The following KAT6A variants were observed in gnomAD, a reference collection of about 807,000 sequenced individuals.
The protein encoded by KAT6A is histone acetyltransferase KAT6A.
Under a neutral mutation model 198.4 loss-of-function variants are expected in KAT6A, and 9 were observed. The observed-to-expected ratio is 0.05, with a 90% confidence interval of 0.03 to 0.08. KAT6A has a LOEUF of 0.08. KAT6A is among the 10% of genes least tolerant of loss of function. KAT6A has a pLI of 1.00. For synonymous variants in KAT6A, 890 were observed against 883.0 expected (o/e 1.01, Z -0.14); for missense variants, 2,077 against 2,509.9 (o/e 0.83, Z 3.69).
chr8:42,009,925 C>CAAAAAAA (rs1438804898), intron 2 of KAT6A, among the ~76,000 whole-genome samples: 1 of 120,082 alleles, frequency 8.3e-6, no homozygotes, highest in African/African-American at 3.2e-5. Context: ...CAAAAAAAAA[C>CAAAAAAA]AAAACCACAA....
At chr8:42,009,716 T>A (rs1825919971) in intron 2 of KAT6A, among the ~76,000 whole-genome samples, 2 of 151,174 alleles carry the variant, frequency 1.3e-5, no homozygotes, top group Non-Finnish European at 1.5e-5. Flanking sequence ...CTGGGAAACA[T>A]ATGAAGACCT....
chr8:41,934,209 C>G lies in KAT6A; in HGVS notation c.4011G>C (p.Thr1337=), dbSNP rs755898071. Residue 1337 remains threonine (T), a synonymous_variant, in exon 17 of 17, where the codon ACG becomes ACC. Coordinates refer to ENST00000265713, the MANE Select transcript of KAT6A (RefSeq NM_006766.5). ...CAGGCTCCTCCTTGACATCTTCCCT[C>G]GTGGGCTGTTCCTCTAGCTCCTTTT... ...TKKKELEEQP[T]REDVKEEPGV... The G allele has an allele frequency of 4.3e-6, 7 of 1,614,048 alleles. No homozygotes were observed. The highest frequency in any genetic ancestry group is 1.3e-5 in the African/African-American group (1 of 74,930).
intron 8 of KAT6A, among the ~76,000 whole-genome samples, chr8:41,966,971 C>T (rs1823522864): frequency 6.6e-6 from 1 of 152,052 alleles, no homozygotes; most frequent in Non-Finnish European, 1.5e-5. Context: ...TGGGGTAACA[C>T]CTCTACATCA....
At chr8:42,030,139 C>A (rs1188909955) in intron 2 of KAT6A, among the ~76,000 whole-genome samples, 1 of 152,094 alleles carries the variant, frequency 6.6e-6, no homozygotes, top group Non-Finnish European at 1.5e-5. Context: ...AAAATGGCAC[C>A]CTGCTGCAGC....
Position 42,049,223 on chromosome 8 carries a change from C to T in KAT6A, c.-246G>A. 2.1e-6 allele frequency: 1 copy of T among 466,392 alleles called. No homozygotes were observed. The highest frequency in any genetic ancestry group is 3.2e-5 in the East Asian group (1 of 31,040). The allele number at this position is 466,392 out of a possible 1,614,324, so 28.9% of individuals were successfully genotyped here. A position where few individuals can be genotyped will look rare whatever the true frequency, so the allele number is the denominator to read the frequency against. On this transcript the variant is annotated 5_prime_UTR_variant, in exon 2 of 17. The change creates a new upstream start codon in the 5' untranslated region. Coordinates refer to ENST00000265713, the MANE Select transcript of KAT6A (RefSeq NM_006766.5). ...CAATGAATTTCTCAATAGCACCACA[C>T]ATGGGTCTCGTCATAAAGTTGTAAG...
At chr8:42,040,864 T>C (rs1401477352) in intron 2 of KAT6A, among the ~76,000 whole-genome samples, 1 of 151,818 alleles carries the variant, frequency 6.6e-6, no homozygotes, top group Non-Finnish European at 1.5e-5. Context: ...AGGTATGTCA[T>C]GCACTGAAAA....
chr8:41,978,374 G>A (rs1234768822), intron 6 of KAT6A, among the ~76,000 whole-genome samples: 1 of 152,188 alleles, frequency 6.6e-6, no homozygotes, highest in Non-Finnish European at 1.5e-5. Context: ...CATTTACTAT[G>A]CCTTAGTTTC....
rs1235441058 is a variant in KAT6A at position 41,987,517 on chromosome 8, T to G, written c.647A>C (p.Lys216Thr). 1 of 1,613,878 alleles carries G rather than the reference T, an allele frequency of 6.2e-7. No homozygotes were observed. The highest frequency in any genetic ancestry group is 1.3e-5 in the African/African-American group (1 of 75,048). The part of the protein sequence containing the change: ...IPICSFCLGT[K>T]EQNREKKPEE... ...TGGCTTCTTTTCTCGGTTTTGTTCTTTTGTACCAAGACAGAAACTACAGAT... is the reference window on the plus strand; with the variant it reads ...TGGCTTCTTTTCTCGGTTTTGTTCTGTTGTACCAAGACAGAAACTACAGAT... The change falls in exon 3 of 17, where the codon AAA becomes ACA. Residue 216 changes from lysine to threonine, a missense_variant. Lys to Thr is a moderately conservative substitution (Grantham distance 78). Coordinates refer to ENST00000265713, the MANE Select transcript of KAT6A (RefSeq NM_006766.5).
intron 2 of KAT6A, among the ~76,000 whole-genome samples, chr8:42,018,648 C>T (rs1051093273): frequency 3.3e-5 from 5 of 152,114 alleles, no homozygotes; most frequent in Non-Finnish European, 5.9e-5. Flanking sequence ...ACAGGCTGGG[C>T]GAGGTGGCTC....
At chr8:41,995,905 A>AC (rs758018743) in intron 2 of KAT6A, among the ~76,000 whole-genome samples, 37 of 151,890 alleles carry the variant, frequency 2.4e-4, no homozygotes, top group Admixed American at 6.6e-4. Context: ...CGAACTCTTA[A>AC]CCACAGGTGA....
rs575256565 is a variant in KAT6A at position 41,933,235 on chromosome 8, G to A, written c.4985C>T (p.Pro1662Leu). 140 of 1,548,088 alleles carry A rather than the reference G, an allele frequency of 9.0e-5. 4 individuals are homozygous for A. In the South Asian group the frequency reaches 1.1e-3, roughly 12 times the overall value. The change falls in exon 17 of 17, where the codon CCG becomes CTG. Residue 1662 changes from proline (P) to leucine (L), a missense_variant. This residue lies in a region of KAT6A where 500 missense variants were observed against 577.2 expected (regional missense o/e 0.87). Transcript: ENST00000265713. The surrounding 1 kb of genome is among the most constrained non-coding windows in gnomAD (Gnocchi z 6.2). ...TGGTGCTGGTTGTGGTTGTGGCGGC[G>A]GCGGCTGTGGCTGCTGTGGAGGCGG... ...PPPPPQQPQP[P>L]PPQPQPAPQP...
At chr8:41,989,934 T>C (rs1442185849) in intron 2 of KAT6A, among the ~76,000 whole-genome samples, 1 of 152,170 alleles carries the variant, frequency 6.6e-6, no homozygotes, top group African/African-American at 2.4e-5. Flanking sequence ...CTAGTTGTCT[T>C]AATAATTATG....
rs759230999 is a variant in KAT6A at position 41,935,314 on chromosome 8, A to C, written c.3353-447T>G. On this transcript the variant is annotated intron_variant, in intron 16 of 16. Transcript: ENST00000265713. ...TTTTTTTCTGCTTGTGATTTACTTT[A>C]TCTCTCGGATTTTCTTACTTTCCAC... is the stretch of plus-strand genomic sequence containing the variant. Among the ~76,000 whole-genome samples, 8 of 151,782 alleles carry C rather than the reference A, an allele frequency of 5.3e-5. No individual in the cohort carries two copies. In the South Asian group the frequency reaches 8.3e-4, roughly 16 times the overall value.
Position 41,937,356 on chromosome 8 carries a change from G to A in KAT6A, c.3252C>T (p.Tyr1084=), listed in dbSNP as rs774754093. 1.2e-6 allele frequency: 2 copies of A among 1,613,992 alleles called. No homozygotes were observed. The highest frequency in any genetic ancestry group is 1.7e-6 in the Non-Finnish European group (2 of 1,179,858). The change falls in exon 16 of 17, where the codon TAC becomes TAT. Residue 1084 remains tyrosine (Y), a synonymous_variant. Coordinates refer to ENST00000265713, the MANE Select transcript of KAT6A (RefSeq NM_006766.5). The stretch of plus-strand genomic sequence containing the variant: ...CATCCTGCGAAGACAAACGACGGAA[G>A]TATTCTCTAGGGAAAAGTTCATTTT... ...EDENELFPRE[Y]FRRLSSQDVL...
intron 2 of KAT6A, among the ~76,000 whole-genome samples, chr8:42,010,849 T>C (rs1329425490): frequency 2.0e-5 from 3 of 152,200 alleles, no homozygotes; most frequent in Non-Finnish European, 4.4e-5. Context: ...CTAAGCCTAC[T>C]GGCAAAGAAG....
intron 2 of KAT6A, among the ~76,000 whole-genome samples, chr8:42,022,058 A>G (rs1019410541): frequency 6.6e-6 from 1 of 152,228 alleles, no homozygotes; most frequent in Admixed American, 6.5e-5. Flanking sequence ...ACATTCTAAT[A>G]TACTACGGCA....
At chr8:41,938,180 A>G (rs1821941828) in intron 15 of KAT6A, among the ~76,000 whole-genome samples, 1 of 152,224 alleles carries the variant, frequency 6.6e-6, no homozygotes, top group Non-Finnish European at 1.5e-5. Context: ...ATATCACAAA[A>G]TAAGAGATGA....
At chr8:41,974,995 T>C (rs909669304) in intron 7 of KAT6A, among the ~76,000 whole-genome samples, 173 bp from the exon 8 acceptor site, 2 of 152,200 alleles carry the variant, frequency 1.3e-5, no homozygotes, top group Non-Finnish European at 2.9e-5. Flanking sequence ...GTATTAAATC[T>C]GCCTTATAGT....
Position 42,048,500 on chromosome 8 carries a change from G to A in KAT6A, c.478C>T (p.Leu160Phe). 1 of 1,614,180 alleles carries A rather than the reference G, an allele frequency of 6.2e-7. No homozygotes were observed. Among genetic ancestry groups the A allele is most frequent in the Non-Finnish European group, 8.5e-7 (1 of 1,180,034 alleles). ...AIKRAIGHGR[L>F]LKDGPLYRLN... ...CGATAAAGAGGTCCATCTTTAAGGA[G>A]TCTGCCGTGGCCAATGGCACGTTTG... Residue 160 changes from leucine to phenylalanine, a missense_variant, in exon 2 of 17, where the codon CTC (leucine) becomes TTC (phenylalanine). Leu to Phe is a conservative substitution (Grantham distance 22). Coordinates refer to ENST00000265713, the MANE Select transcript of KAT6A (RefSeq NM_006766.5).
Sources: allele counts gnomAD v4.1 joint callset (sites outside exome capture counted in the v4.1 genomes callset), GRCh38; gene constraint gnomAD v4.1.1; regional missense constraint gnomAD v4.1.1; non-coding constraint Gnocchi (gnomAD v3.1); transcripts MANE v1.5; gene names NCBI Gene and HGNC (gene_info 2026-07-23, HGNC 2026-07-21).